The following EIF4B variants were observed in gnomAD, a reference collection of about 807,000 sequenced individuals.
EIF4B encodes eukaryotic translation initiation factor 4B.
A neutral mutation model predicts 79.3 loss-of-function variants in EIF4B; 8 were observed. That is an observed-to-expected ratio of 0.10 (90% CI 0.06 to 0.18). EIF4B has a LOEUF of 0.18. EIF4B is among the 10% of genes least tolerant of loss of function. EIF4B has a pLI of 1.00. For missense variants in EIF4B, 515 were observed against 792.4 expected (o/e 0.65, Z 4.20); for synonymous variants, 238 against 274.7 (o/e 0.87, Z 1.32).
chr12:53,038,110 A>G, intron 11 of EIF4B: 1 of 311,904 alleles, frequency 3.2e-6, no homozygotes, highest in East Asian at 6.5e-5. Flanking sequence ...GACAGAGTTA[A>G]GACTCCAAAA....
At chr12:53,036,557 C>T (rs767008565) in intron 10 of EIF4B, among the ~76,000 whole-genome samples, 2 of 151,722 alleles carry the variant, frequency 1.3e-5, no homozygotes, top group Non-Finnish European at 2.9e-5. Flanking sequence ...GACGGGTGCA[C>T]GCAACCATGC....
chr12:53,012,531 G>A (rs1255546954), intron 1 of EIF4B, among the ~76,000 whole-genome samples: 1 of 151,048 alleles, frequency 6.6e-6, no homozygotes, highest in African/African-American at 2.4e-5. Flanking sequence ...TCCAGCCTAG[G>A]CAACAAGAGC....
At chr12:53,010,680 A>G (rs1020783518) in intron 1 of EIF4B, among the ~76,000 whole-genome samples, 17 of 152,108 alleles carry the variant, frequency 1.1e-4, no homozygotes, top group African/African-American at 4.1e-4. Context: ...ACAGAGTCTC[A>G]CTATGGCTCA....
intron 4 of EIF4B, among the ~76,000 whole-genome samples, chr12:53,021,561 C>T (rs1263950738): frequency 6.6e-6 from 1 of 152,212 alleles, no homozygotes; most frequent in Non-Finnish European, 1.5e-5. Flanking sequence ...TAATTCTATT[C>T]TGTGAAATTA....
chr12:53,019,431 A>ATTTTT (rs1555151903), intron 3 of EIF4B, among the ~76,000 whole-genome samples: 21 of 35,160 alleles, frequency 6.0e-4, no homozygotes, highest in Non-Finnish European at 1.6e-3. Flanking sequence ...AATTATATAT[A>ATTTTT]TATATATTTT....
chr12:53,037,442 A>G lies in EIF4B; in HGVS notation c.1340A>G (p.Glu447Gly). The change falls in exon 11 of 15, where the codon GAA becomes GGA. Residue 447 changes from glutamate to glycine, a missense_variant. Glu to Gly is a moderately conservative substitution (Grantham distance 98). Coordinates refer to ENST00000262056, the MANE Select transcript of EIF4B (RefSeq NM_001417.7). Reference protein sequence around the residue: ...ARRRESEKSLENETLNKEEDC... With the variant: ...ARRRESEKSLGNETLNKEEDC... ...AGGAGAGAGAGTGAGAAGTCTCTAG[A>G]AAATGAAACACTCAATAAGGAGGAA... 1 of 1,612,854 alleles carries G rather than the reference A, an allele frequency of 6.2e-7. No homozygotes were observed. The highest frequency in any genetic ancestry group is 8.5e-7 in the Non-Finnish European group (1 of 1,179,688).
rs534840276 is a variant in EIF4B at position 53,036,929 on chromosome 12, G to GC, written c.1307-475dup. On this transcript the variant is annotated intron_variant, in intron 10 of 14. Coordinates refer to ENST00000262056, the MANE Select transcript of EIF4B (RefSeq NM_001417.7). ...TGAAACTCTTAGGCTCAAACGATCC[G>GC]CCCCCAACAGCCTCCCAATATCCTA... Among the ~76,000 whole-genome samples, 20 of 152,202 alleles carry GC rather than the reference G, an allele frequency of 1.3e-4. No individual in the cohort carries two copies. In the East Asian group the frequency reaches 3.7e-3, roughly 28 times the overall value.
intron 10 of EIF4B, among the ~76,000 whole-genome samples, chr12:53,036,722 G>C (rs578024518): frequency 6.6e-6 from 1 of 151,890 alleles, no homozygotes; most frequent in Non-Finnish European, 1.5e-5. Context: ...TTTAAAAAAC[G>C]CACGTGTAGG....
intron 8 of EIF4B, 47 bp downstream of exon 8, chr12:53,028,235 A>G (rs756964214): frequency 9.2e-6 from 14 of 1,526,820 alleles, no homozygotes; most frequent in Admixed American, 2.2e-5. Context: ...AACTGGGAAA[A>G]CTACGGAAAA....
chr12:53,021,375 C>G (rs930168405), intron 4 of EIF4B, among the ~76,000 whole-genome samples: 1 of 152,206 alleles, frequency 6.6e-6, no homozygotes, highest in Non-Finnish European at 1.5e-5. Flanking sequence ...TTAAGTGATC[C>G]TCCAGCCTCA....
At chr12:53,016,415 A>G (rs1943149538) in intron 1 of EIF4B, 58 bp from the exon 2 acceptor site, 3 of 1,604,710 alleles carry the variant, frequency 1.9e-6, no homozygotes, top group African/African-American at 2.7e-5. Context: ...ATTGCATTGT[A>G]CAACTCTGTA....
intron 3 of EIF4B, among the ~76,000 whole-genome samples, chr12:53,019,356 G>A (rs1365169826): frequency 2.7e-5 from 4 of 149,772 alleles, no homozygotes; most frequent in Non-Finnish European, 5.9e-5. Flanking sequence ...CCGAGATTGC[G>A]CCATTGCACT....
chr12:53,021,042 T>C (rs1049402526), intron 4 of EIF4B, among the ~76,000 whole-genome samples: 2 of 152,166 alleles, frequency 1.3e-5, no homozygotes, highest in Non-Finnish European at 2.9e-5. Context: ...TAATATAGTT[T>C]TGGGTATTTT....
intron 6 of EIF4B, among the ~76,000 whole-genome samples, chr12:53,027,452 TA>T (rs1001754515): frequency 3.9e-5 from 6 of 152,188 alleles, no homozygotes; most frequent in African/African-American, 1.4e-4. Flanking sequence ...TTTTTTTAAT[TA>T]AAAAATAAGT....
intron 8 of EIF4B, among the ~76,000 whole-genome samples, chr12:53,031,003 C>T (rs974175841): frequency 6.6e-6 from 1 of 152,008 alleles, no homozygotes; most frequent in African/African-American, 2.4e-5. Context: ...TCTTACCCCC[C>T]CATTCCCTCT....
intron 8 of EIF4B, among the ~76,000 whole-genome samples, chr12:53,032,652 T>C (rs1943465880): frequency 6.6e-6 from 1 of 150,950 alleles, no homozygotes; most frequent in Non-Finnish European, 1.5e-5. Context: ...GAAGAGTAAT[T>C]GAACTTGGGT....
In EIF4B at chr12:53,039,842, T is replaced by G. The variant is rs1048095624; in HGVS notation, c.1755+140T>G. 73 of 974,600 alleles carry G rather than the reference T, an allele frequency of 7.5e-5. No homozygotes were observed. The Admixed American group carries it at 2.2e-3, about 29-fold the overall frequency. 60.4% of individuals were successfully genotyped at this position (974,600 alleles called of 1,614,324 possible). A position where few individuals can be genotyped will look rare whatever the true frequency, so the allele number is the denominator to read the frequency against. On this transcript the variant is annotated intron_variant, in intron 14 of 14. Coordinates refer to ENST00000262056, the MANE Select transcript of EIF4B (RefSeq NM_001417.7). ...TCTTTCCATTTGGAATACAAAGTGT[T>G]TGGAAATAAGACATTGGTCTTTACT...
intron 6 of EIF4B, among the ~76,000 whole-genome samples, chr12:53,024,695 T>C (rs1485273221): frequency 6.6e-6 from 1 of 152,214 alleles, no homozygotes; most frequent in Non-Finnish European, 1.5e-5. Flanking sequence ...CTCTCTGTGT[T>C]GCCCAGACTG....
chr12:53,026,406 A>T (rs1375167436), intron 6 of EIF4B, among the ~76,000 whole-genome samples: 1 of 152,186 alleles, frequency 6.6e-6, no homozygotes, highest in Non-Finnish European at 1.5e-5. Context: ...TGAAATGCAC[A>T]TGTGTGTGTA....
Sources: allele counts gnomAD v4.1 joint callset (sites outside exome capture counted in the v4.1 genomes callset), GRCh38; gene constraint gnomAD v4.1.1; transcripts MANE v1.5; gene names NCBI Gene and HGNC (gene_info 2026-07-23, HGNC 2026-07-21).